The following XIRP2 variants were observed in gnomAD, a reference collection of about 807,000 sequenced individuals.
XIRP2 encodes xin actin-binding repeat-containing protein 2.
In XIRP2, 236 loss-of-function variants were observed where a neutral mutation model predicts 277.0. That is an observed-to-expected ratio of 0.85 (90% CI 0.77 to 0.95). The LOEUF (loss-of-function observed/expected upper bound fraction) is 0.95. Among genes scored for constraint, XIRP2 ranks in the 40% least tolerant of loss-of-function variants. The pLI is 0.00. For synonymous variants in XIRP2, 1,490 were observed against 1,416.5 expected, an observed-to-expected ratio of 1.05 and a Z score of -1.17; for missense variants, 4,640 against 4,157.5, an observed-to-expected ratio of 1.12 and a Z score of -3.19.
chr2:167,254,288 A>G, intron 10 of XIRP2, 123 bp downstream of exon 10: 6 of 1,167,158 alleles, frequency 5.1e-6, no homozygotes, highest in Non-Finnish European at 6.7e-6. Context: ...ACACAACCAC[A>G]CAGGGAGATT....
rs751223636 is a variant in XIRP2, at chr2:167,249,167, C to T, written c.7775C>T (p.Thr2592Ile). The T allele has an allele frequency of 6.2e-7, 1 of 1,613,598 alleles. No individual in the cohort carries two copies. The highest frequency in any genetic ancestry group is 8.5e-7 in the Non-Finnish European group (1 of 1,179,766). Residue 2592 changes from threonine to isoleucine, a missense_variant, in exon 9 of 11, where the codon ACC becomes ATC. Physicochemically the swap from Thr to Ile is moderately conservative, Grantham distance 89. Transcript: ENST00000409195. ...EVEKEMPLQKTNEEVSLSGID... is the reference protein window; with the variant it reads ...EVEKEMPLQKINEEVSLSGID... ...GAAAAGGAAATGCCATTACAAAAAA[C>T]CAATGAGGAGGTTTCCCTATCTGGA... is the stretch of plus-strand genomic sequence containing the variant.
At position 167,248,954 on chromosome 2, in the gene XIRP2, C is replaced by T. The variant is rs777033757; in HGVS notation, c.7562C>T (p.Ser2521Phe). The change falls in exon 9 of 11, where the codon TCT becomes TTT. Residue 2521 changes from serine (S) to phenylalanine (F), a missense_variant. Ser to Phe is a radical substitution (Grantham distance 155). Transcript: ENST00000409195. ...AAACAGATTGCGCCTCTTATAAAAT[C>T]TCATTCATTTCCAGAGAGTTCAGGA... ...RKKQIAPLIK[S>F]HSFPESSGQQ... 1.5e-5 allele frequency: 24 copies of T among 1,613,676 alleles called. No homozygotes were observed. The highest frequency in any genetic ancestry group is 1.9e-5 in the Non-Finnish European group (22 of 1,179,814).
chr2:167,220,017 A>C (rs1694375399), intron 5 of XIRP2, among the ~76,000 whole-genome samples: 1 of 152,194 alleles, frequency 6.6e-6, no homozygotes, highest in African/African-American at 2.4e-5. Context: ...GCTCCAGTGG[A>C]GTACCAGAGC....
In XIRP2 at chr2:167,086,103, G is replaced by T. The variant is rs1176785790; in HGVS notation, c.409-49806G>T. The stretch of plus-strand genomic sequence containing the variant: ...TACCGGTTGTTCCTTTCCATGTTTA[G>T]CACTTCCTTCAGGAGCTCTTTTAGG... On this transcript the variant is annotated intron_variant, in intron 2 of 10. Transcript: ENST00000409195. Among the ~76,000 whole-genome samples the T allele has an allele frequency of 2.6e-5, 4 of 151,968 alleles. No individual in the cohort carries two copies. In the East Asian group the frequency reaches 5.8e-4, roughly 22 times the overall value.
chr2:167,219,457 T>A (rs1694358609), intron 5 of XIRP2, among the ~76,000 whole-genome samples: 1 of 152,172 alleles, frequency 6.6e-6, no homozygotes, highest in Admixed American at 6.5e-5. Context: ...CAGTAATGAA[T>A]TTATAGATCC....
intron 2 of XIRP2, among the ~76,000 whole-genome samples, chr2:167,047,342 G>A (rs1277996065): frequency 1.3e-5 from 2 of 151,376 alleles, no homozygotes; most frequent in East Asian, 1.9e-4. Flanking sequence ...AATCTGTAAA[G>A]CATCTGTTAG....
intron 2 of XIRP2, among the ~76,000 whole-genome samples, chr2:166,996,740 T>C (rs1216760014): frequency 6.6e-6 from 1 of 152,198 alleles, no homozygotes; most frequent in Non-Finnish European, 1.5e-5. Context: ...TGAACCAAGA[T>C]GATGCATTGC....
At chr2:167,156,492 T>C (rs1182155744) in intron 3 of XIRP2, among the ~76,000 whole-genome samples, 8 of 147,922 alleles carry the variant, frequency 5.4e-5, no homozygotes, top group Non-Finnish European at 8.8e-5. Context: ...AAGATGTATC[T>C]ATAATTAAAG....
chr2:167,034,652 A>G (rs1688463858), intron 2 of XIRP2, among the ~76,000 whole-genome samples: 1 of 152,212 alleles, frequency 6.6e-6, no homozygotes, highest in Non-Finnish European at 1.5e-5. Flanking sequence ...TACTTATACA[A>G]AATAGATTTC....
chr2:167,133,488 C>T (rs1691445229), intron 2 of XIRP2, among the ~76,000 whole-genome samples: 2 of 152,124 alleles, frequency 1.3e-5, no homozygotes, highest in African/African-American at 4.8e-5. Flanking sequence ...TTGTGAATTC[C>T]AAAATGAGAA....
intron 2 of XIRP2, among the ~76,000 whole-genome samples, chr2:167,078,574 C>T (rs1014433463): frequency 1.4e-4 from 21 of 152,044 alleles, no homozygotes; most frequent in African/African-American, 5.1e-4. Context: ...TGGTGGCTCA[C>T]GCCTGTAATC....
chr2:167,147,262 G>C (rs1691887895), intron 3 of XIRP2, among the ~76,000 whole-genome samples: 1 of 152,158 alleles, frequency 6.6e-6, no homozygotes, highest in Admixed American at 6.6e-5. Flanking sequence ...GCAGTATGGA[G>C]GAAAGGGTTA....
rs1420741329 is a variant in XIRP2 at position 167,201,248 on chromosome 2, AAGAAAGAAAGAAAGAG to A, written c.563-9483_563-9468del. Among the ~76,000 whole-genome samples the A allele has an allele frequency of 3.5e-3, 268 of 75,894 alleles. 2 individuals are homozygous for A. Among genetic ancestry groups the A allele is most frequent in the African/African-American group, 0.014 (152 of 10,836 alleles). 49.8% of individuals were successfully genotyped at this position (75,894 alleles called of 152,430 possible). ...AAAGAAAGAAAGAAAGAAAGAAAGA[AAGAAAGAAAGAAAGAG>A]AGAGGGAGAAAGGAAAGAAGGAAGG... On this transcript the variant is annotated intron_variant, in intron 3 of 10. Transcript: ENST00000409195.
intron 2 of XIRP2, among the ~76,000 whole-genome samples, chr2:167,120,216 T>G (rs996060830): frequency 6.6e-6 from 1 of 152,186 alleles, no homozygotes; most frequent in Non-Finnish European, 1.5e-5. Context: ...TGCCACTCCA[T>G]GAACTTTGTC....
chr2:167,020,847 C>T (rs988513372), intron 2 of XIRP2, among the ~76,000 whole-genome samples: 1 of 151,964 alleles, frequency 6.6e-6, no homozygotes, highest in Non-Finnish European at 1.5e-5. Context: ...AAAGGAGTAA[C>T]TTTTTTATTA....
At chr2:166,927,797 GT>G (rs770171889) in intron 2 of XIRP2, among the ~76,000 whole-genome samples, 1 of 152,106 alleles carries the variant, frequency 6.6e-6, no homozygotes, top group Non-Finnish European at 1.5e-5. Flanking sequence ...GGATGTGTGT[GT>G]GGGGGGATGG....
intron 4 of XIRP2, among the ~76,000 whole-genome samples, chr2:167,212,954 C>T (rs934078444): frequency 7.6e-6 from 1 of 131,330 alleles, no homozygotes; most frequent in African/African-American, 2.9e-5. Context: ...ATGAAAACTG[C>T]CTGTGACTAA....
At chr2:167,029,437 G>A (rs914971666) in intron 2 of XIRP2, among the ~76,000 whole-genome samples, 3 of 151,980 alleles carry the variant, frequency 2.0e-5, no homozygotes, top group Non-Finnish European at 2.9e-5. Flanking sequence ...TTTATCGAAC[G>A]CCTTTTCTGC....
intron 8 of XIRP2, 73 bp from the exon 9 acceptor site, chr2:167,242,496 A>C: frequency 6.7e-7 from 1 of 1,492,592 alleles, no homozygotes; most frequent in East Asian, 2.3e-5. Flanking sequence ...TTACAGACCA[A>C]TGAAGGGCAG....
Sources: allele counts gnomAD v4.1 joint callset (sites outside exome capture counted in the v4.1 genomes callset), GRCh38; gene constraint gnomAD v4.1.1; transcripts MANE v1.5; gene names NCBI Gene and HGNC (gene_info 2026-07-23, HGNC 2026-07-21).